The following AUTS2 variants were observed in gnomAD, a reference collection of about 807,000 sequenced individuals.
The protein encoded by AUTS2 is autism susceptibility gene 2 protein.
In AUTS2, 17 loss-of-function variants were observed where a neutral mutation model predicts 112.4. That is an observed-to-expected ratio of 0.15 (90% CI 0.10 to 0.23). The LOEUF is 0.23. AUTS2 is among the 10% of genes least tolerant of loss of function. The probability of loss-of-function intolerance (pLI) is 1.00; values close to 1 mark genes in which losing one functional copy is unlikely to be tolerated. For missense variants in AUTS2, 1,510 were observed against 1,701.6 expected, an observed-to-expected ratio of 0.89 and a Z score of 1.98; for synonymous variants, 751 against 702.7, an observed-to-expected ratio of 1.07 and a Z score of -1.09.
intron 1 of AUTS2, 126 bp from the exon 2 acceptor site, chr7:69,899,160 A>G: frequency 1.5e-6 from 1 of 681,398 alleles, no homozygotes; most frequent in Admixed American, 2.8e-5. Flanking sequence ...GGGTCTTCTC[A>G]TATCCCACTT....
intron 4 of AUTS2, among the ~76,000 whole-genome samples, chr7:70,328,914 AC>A (rs1439538478): frequency 6.6e-6 from 1 of 151,978 alleles, no homozygotes; most frequent in Non-Finnish European, 1.5e-5. Flanking sequence ...CCAGAGTAAA[AC>A]CCCTTACCCA....
At chr7:69,631,453 G>C (rs1471412657) in intron 1 of AUTS2, among the ~76,000 whole-genome samples, 1 of 152,202 alleles carries the variant, frequency 6.6e-6, no homozygotes, top group African/African-American at 2.4e-5. Context: ...ATGGAAAATA[G>C]TTATTTCGTG....
chr7:70,483,989 CA>C (rs920221996), intron 5 of AUTS2, among the ~76,000 whole-genome samples: 15 of 152,012 alleles, frequency 9.9e-5, no homozygotes, highest in Admixed American at 6.6e-4. Flanking sequence ...AGCAGAGGGG[CA>C]AAAGCTTGGG....
chr7:70,276,347 TA>T (rs1787929045), intron 4 of AUTS2, among the ~76,000 whole-genome samples: 1 of 152,082 alleles, frequency 6.6e-6, no homozygotes, highest in South Asian at 2.1e-4. Context: ...AAGTAGTTTT[TA>T]TTTTTTTTCT....
At chr7:69,624,445 C>G (rs1394675205) in intron 1 of AUTS2, among the ~76,000 whole-genome samples, 2 of 152,008 alleles carry the variant, frequency 1.3e-5, no homozygotes, top group African/African-American at 4.8e-5. Context: ...TTTCTTTTTT[C>G]CACTGAAGAA....
intron 5 of AUTS2, among the ~76,000 whole-genome samples, chr7:70,439,146 T>C (rs976814164): frequency 6.6e-6 from 1 of 152,160 alleles, no homozygotes; most frequent in Non-Finnish European, 1.5e-5. Flanking sequence ...ACAAAAAGGC[T>C]TTGATGAGAC....
intron 1 of AUTS2, among the ~76,000 whole-genome samples, chr7:69,770,633 G>T (rs1788620824): frequency 6.6e-6 from 1 of 152,094 alleles, no homozygotes; most frequent in South Asian, 2.1e-4. Context: ...TCACAACTTT[G>T]CAGAGCGCTT....
At chr7:70,611,512 G>A (rs529078928) in intron 5 of AUTS2, among the ~76,000 whole-genome samples, 1 of 152,346 alleles carries the variant, frequency 6.6e-6, no homozygotes, top group East Asian at 1.9e-4. Flanking sequence ...TTTGATGTGA[G>A]AAAGAGAACT....
intron 4 of AUTS2, among the ~76,000 whole-genome samples, chr7:70,420,943 CAAAAAA>C (rs1209478941): frequency 6.6e-6 from 1 of 151,968 alleles, no homozygotes; most frequent in Non-Finnish European, 1.5e-5. Flanking sequence ...AATAAAGCCA[CAAAAAA>C]ATAGTGAACA....
chr7:69,652,166 C>T (rs1795321059), intron 1 of AUTS2, among the ~76,000 whole-genome samples: 1 of 152,038 alleles, frequency 6.6e-6, no homozygotes, highest in African/African-American at 2.4e-5. Context: ...CAGTATTGCT[C>T]TTATACTCTC....
chr7:69,663,900 G>A (rs1235489021), intron 1 of AUTS2, among the ~76,000 whole-genome samples: 2 of 152,172 alleles, frequency 1.3e-5, no homozygotes, highest in Non-Finnish European at 2.9e-5. Flanking sequence ...CAAACAAATA[G>A]ATCCCAAAAT....
At chr7:70,346,183 G>A (rs1007710642) in intron 4 of AUTS2, among the ~76,000 whole-genome samples, 3 of 152,116 alleles carry the variant, frequency 2.0e-5, no homozygotes, top group Admixed American at 1.3e-4. Context: ...GGAAATCTAC[G>A]TGTTTTTTGA....
At chr7:70,154,527 GGTTAGTTTTTTT>G (rs1213732019) in intron 4 of AUTS2, among the ~76,000 whole-genome samples, 5 of 152,046 alleles carry the variant, frequency 3.3e-5, no homozygotes, top group African/African-American at 1.2e-4. Context: ...AGGGAAACAA[GGTTAGTTTTTTT>G]TTAATTCTTA....
chr7:69,613,229 C>G (rs1424157439), intron 1 of AUTS2, among the ~76,000 whole-genome samples: 2 of 152,132 alleles, frequency 1.3e-5, no homozygotes, highest in African/African-American at 4.8e-5. Flanking sequence ...CACATGGTCT[C>G]TAGTAGACCA....
chr7:70,009,991 G>T (rs112581619), intron 2 of AUTS2, among the ~76,000 whole-genome samples: 11 of 152,168 alleles, frequency 7.2e-5, no homozygotes, highest in Non-Finnish European at 1.3e-4. Context: ...TTTTTAAACA[G>T]ATAAGTACTA....
chr7:69,685,112 G>A (rs930615051), intron 1 of AUTS2, among the ~76,000 whole-genome samples: 9 of 152,194 alleles, frequency 5.9e-5, no homozygotes, highest in African/African-American at 1.9e-4. Flanking sequence ...GGGCCTCTGT[G>A]CTGTGAGTCC....
chr7:70,741,528 C>T lies in AUTS2; in HGVS notation c.743-21342C>T, dbSNP rs373250853. On this transcript the variant is annotated intron_variant, in intron 6 of 18. Transcript: ENST00000342771. ...CCAACATGGAGAAACCCCATCTCTA[C>T]TAAAAATACAAAATTATCCGGGCGT... Among the ~76,000 whole-genome samples, 41 of 151,988 alleles carry T rather than the reference C, an allele frequency of 2.7e-4. 1 individual carries two copies. The South Asian group carries it at 7.9e-3, about 29-fold the overall frequency.
chr7:69,735,332 C>T (rs962011428), intron 1 of AUTS2, among the ~76,000 whole-genome samples: 2 of 152,148 alleles, frequency 1.3e-5, no homozygotes, highest in African/African-American at 4.8e-5. Flanking sequence ...TGTTTTCAGA[C>T]AGTTGCAGAG....
rs114910586 is a variant in AUTS2 at position 70,129,042 on chromosome 7, C to T, written c.625-5494C>T. Among the ~76,000 whole-genome samples, 1,334 of 152,286 alleles carry T rather than the reference C, an allele frequency of 8.8e-3. 23 individuals carry two copies. Among genetic ancestry groups the T allele is most frequent in the African/African-American group, 0.031 (1,270 of 41,542 alleles). ...ATCCAAATTATGTCATTGTATTAGACTTCTCCACAGAAACAGAACCACAGC... is the reference window on the plus strand; with the variant it reads ...ATCCAAATTATGTCATTGTATTAGATTTCTCCACAGAAACAGAACCACAGC... On this transcript the variant is annotated intron_variant, in intron 3 of 18. Coordinates refer to ENST00000342771, the MANE Select transcript of AUTS2 (RefSeq NM_015570.4).
Sources: gnomAD v4.1 joint callset for allele counts (sites outside exome capture counted in the v4.1 genomes callset) on GRCh38, gnomAD v4.1.1 for gene constraint, MANE v1.5 for transcripts, NCBI Gene and HGNC (gene_info 2026-07-23, HGNC 2026-07-21) for gene names.